The following CARD8 variants were observed in gnomAD, a reference collection of about 807,000 sequenced individuals.
The protein encoded by CARD8 is caspase recruitment domain-containing protein 8.
A neutral mutation model predicts 53.2 loss-of-function variants in CARD8; 38 were observed. The ratio of observed to expected loss-of-function variants is 0.71; its 90% CI spans 0.55 to 0.94. CARD8 has a LOEUF of 0.94. Among genes scored for constraint, CARD8 ranks in the 40% least tolerant of loss-of-function variants. The probability of loss-of-function intolerance (pLI) is 0.00; values close to 1 mark genes in which losing one functional copy is unlikely to be tolerated. For synonymous variants in CARD8, 245 were observed against 244.9 expected (o/e 1.00, Z 0.00); for missense variants, 561 against 655.5 (o/e 0.86, Z 1.57).
chr19:48,240,947 C>G lies in CARD8; in HGVS notation c.59+15G>C, dbSNP rs778491592. 1 of 1,531,932 alleles carries G rather than the reference C, an allele frequency of 6.5e-7. No homozygotes were observed. The highest frequency in any genetic ancestry group is 1.2e-5 in the South Asian group (1 of 83,958). 94.9% of individuals were successfully genotyped at this position (1,531,932 alleles called of 1,614,324 possible). A position where few individuals can be genotyped will look rare whatever the true frequency, so the allele number is the denominator to read the frequency against. On this transcript the variant is annotated intron_variant, in intron 4 of 13. Transcript: ENST00000651546. The stretch of plus-strand genomic sequence containing the variant: ...TCAGCCATCAGGAGCCCTCACAGAG[C>G]GCAAAGTCACTCACCGTCTCGGCAG...
intron 10 of CARD8, among the ~76,000 whole-genome samples, chr19:48,229,807 T>G (rs938777756): frequency 6.6e-6 from 1 of 152,120 alleles, no homozygotes; most frequent in Non-Finnish European, 1.5e-5. Context: ...AATTCACATA[T>G]TATCCATTTA....
intron 5 of CARD8, 92 bp downstream of exon 5, chr19:48,238,291 C>A: frequency 6.9e-7 from 1 of 1,448,974 alleles, no homozygotes; most frequent in South Asian, 1.4e-5. Flanking sequence ...ATGCAAATAA[C>A]CTGCATGTCT....
Position 48,211,828 on chromosome 19 carries a change from T to C in CARD8, c.1496A>G (p.Asn499Ser), listed in dbSNP as rs2038026621. 1.2e-6 allele frequency: 2 copies of C among 1,614,064 alleles called. No individual in the cohort carries two copies. Among genetic ancestry groups the C allele is most frequent in the Admixed American group, 1.7e-5 (1 of 59,996 alleles). ...CTCCACCATGCTCAGCAAGGCCTCA[T>C]TCTTGCTCTGCCGTGTCTTTTCCTG... ...VEQEKTRQSKNEALLSMVEKK... is the reference protein window; with the variant it reads ...VEQEKTRQSKSEALLSMVEKK... The change falls in exon 14 of 14, where the codon AAT becomes AGT. Residue 499 changes from asparagine (N) to serine (S), a missense_variant. By Grantham distance (46) the Asn-to-Ser change is conservative. Coordinates refer to ENST00000651546, the MANE Select transcript of CARD8 (RefSeq NM_001184900.3).
chr19:48,215,309 C>A lies in CARD8; in HGVS notation c.1348+31G>T, dbSNP rs763543086. ...AAGACCCCTTGATGTCTCATACATA[C>A]CCTTGGCTTTAATGTAAACATTTCA... is the stretch of plus-strand genomic sequence containing the variant. On this transcript the variant is annotated intron_variant, in intron 13 of 13. Transcript: ENST00000651546. The A allele has an allele frequency of 8.4e-6, 13 of 1,549,890 alleles. No homozygotes were observed. In the South Asian group the frequency reaches 1.3e-4, roughly 16 times the overall value.
rs1420790776 is a variant in CARD8, at chr19:48,209,721, A to G, written c.*1989T>C. On this transcript the variant is annotated 3_prime_UTR_variant, in exon 14 of 14. Coordinates refer to ENST00000651546, the MANE Select transcript of CARD8 (RefSeq NM_001184900.3). ...ATCACATGTAAGAGGTTTCCATTTA[A>G]AAGAATTCCACTATTCATCAAAATT... 1 of 152,336 alleles carries G rather than the reference A, an allele frequency of 6.6e-6. No homozygotes were observed. The highest frequency in any genetic ancestry group is 1.9e-4 in the East Asian group (1 of 5,330). The allele number at this position is 152,336 out of a possible 1,614,324, so 9.4% of individuals were successfully genotyped here. A position where few individuals can be genotyped will look rare whatever the true frequency, so the allele number is the denominator to read the frequency against.
At chr19:48,255,307 A>G (rs961237453) in intron 1 of CARD8, among the ~76,000 whole-genome samples, 2 of 152,178 alleles carry the variant, frequency 1.3e-5, no homozygotes. Context: ...CAGAGGTTGC[A>G]GTGAGCCAAG....
At chr19:48,222,675 C>A (rs2040905415) in intron 10 of CARD8, among the ~76,000 whole-genome samples, 1 of 149,620 alleles carries the variant, frequency 6.7e-6, no homozygotes, top group African/African-American at 2.5e-5. Flanking sequence ...GGCGACAGAG[C>A]GAGACTCTGT....
chr19:48,235,685 G>C (rs1346942553), intron 5 of CARD8, among the ~76,000 whole-genome samples: 1 of 152,064 alleles, frequency 6.6e-6, no homozygotes, highest in Non-Finnish European at 1.5e-5. Context: ...CACCCAGCCT[G>C]AGCATTACTG....
chr19:48,232,335 G>T, intron 7 of CARD8, 118 bp downstream of exon 7: 1 of 925,126 alleles, frequency 1.1e-6, no homozygotes, highest in East Asian at 2.6e-5. Flanking sequence ...TGTGGCAAAG[G>T]TAAGGGAAAG....
chr19:48,212,327 A>G (rs192552997), intron 13 of CARD8, among the ~76,000 whole-genome samples: 11 of 152,348 alleles, frequency 7.2e-5, no homozygotes, highest in African/African-American at 2.4e-4. Flanking sequence ...CAAATCTTCT[A>G]GTTCATACAT....
At chr19:48,218,773 G>T in intron 12 of CARD8, 98 bp downstream of exon 12, 1 of 1,310,180 alleles carries the variant, frequency 7.6e-7, no homozygotes, top group Non-Finnish European at 1.1e-6. Context: ...TTTCTTCTCT[G>T]GGAAAGAACC....
intron 10 of CARD8, 97 bp downstream of exon 10, chr19:48,230,341 C>G: frequency 7.3e-7 from 1 of 1,361,486 alleles, no homozygotes; most frequent in Middle Eastern, 2.4e-4. Context: ...AAAACCATGC[C>G]TTGCCCTTTC....
intron 3 of CARD8, among the ~76,000 whole-genome samples, chr19:48,242,163 T>C (rs1280514450): frequency 6.6e-6 from 1 of 152,156 alleles, no homozygotes; most frequent in Non-Finnish European, 1.5e-5. Context: ...TAGGAGGAGA[T>C]GGGGCCTTCG....
Position 48,211,830 on chromosome 19 carries a change from C to T in CARD8, c.1494G>A (p.Lys498=), listed in dbSNP as rs1288572685. 1.2e-6 allele frequency: 2 copies of T among 1,614,180 alleles called. No individual in the cohort carries two copies. The highest frequency in any genetic ancestry group is 1.7e-6 in the Non-Finnish European group (2 of 1,180,042). Residue 498 remains lysine, a synonymous_variant, in exon 14 of 14, where the codon AAG becomes AAA. Transcript: ENST00000651546. ...LVEQEKTRQS[K]NEALLSMVEK... Reference sequence around the variant, plus strand: ...CCACCATGCTCAGCAAGGCCTCATTCTTGCTCTGCCGTGTCTTTTCCTGCT... The same window carrying T: ...CCACCATGCTCAGCAAGGCCTCATTTTTGCTCTGCCGTGTCTTTTCCTGCT...
rs2038886531 is a variant in CARD8 at position 48,214,772 on chromosome 19, T to C, written c.1348+568A>G. On this transcript the variant is annotated intron_variant, in intron 13 of 13. Transcript: ENST00000651546. ...TCCTTTCATTCCTGCTATAAAGCTT[T>C]TTTTTTTTTTTTTTTTTTTTTTTTT... Among the ~76,000 whole-genome samples, 10 of 3,796 alleles carry C rather than the reference T, an allele frequency of 2.6e-3. 1 individual carries two copies. Among genetic ancestry groups the C allele is most frequent in the African/African-American group, 5.1e-3 (10 of 1,962 alleles). 2.5% of individuals were successfully genotyped at this position (3,796 alleles called of 152,430 possible).
intron 1 of CARD8, among the ~76,000 whole-genome samples, chr19:48,254,055 G>T (rs1399816437): frequency 1.3e-5 from 2 of 152,160 alleles, no homozygotes; most frequent in Non-Finnish European, 2.9e-5. Flanking sequence ...CAACAAAGTG[G>T]AAGAGTTTAA....
chr19:48,251,487 C>T (rs1201180695), intron 1 of CARD8, among the ~76,000 whole-genome samples: 2 of 152,142 alleles, frequency 1.3e-5, no homozygotes, highest in Non-Finnish European at 2.9e-5. Context: ...TGCTAATCTA[C>T]GTTCACATCA....
At chr19:48,205,663 G>A (rs1012594903), downstream of CARD8, among the ~76,000 whole-genome samples, 1 of 152,122 alleles carries the variant, frequency 6.6e-6, no homozygotes, top group African/African-American at 2.4e-5. Flanking sequence ...TACAGATGAG[G>A]AAACTGCACC....
In CARD8 at chr19:48,241,017, C is replaced by G; in HGVS notation, c.4G>C (p.Glu2Gln). 6.5e-7 allele frequency: 1 copy of G among 1,535,554 alleles called. No homozygotes were observed. The highest frequency in any genetic ancestry group is 8.7e-7 in the Non-Finnish European group (1 of 1,146,386). ...CTCTTTTCTGGACACTCCTTTTTTT[C>G]CATTTGTCAAATGTGGTATTTATGT... M[E>Q]KKECPEKSSS... The change falls in exon 4 of 14, where the codon GAA (glutamate) becomes CAA (glutamine). Residue 2 changes from glutamate to glutamine, a missense_variant. Physicochemically the swap from Glu to Gln is conservative, Grantham distance 29. Transcript: ENST00000651546.
Sources: gnomAD v4.1 joint callset for allele counts (sites outside exome capture counted in the v4.1 genomes callset) on GRCh38, gnomAD v4.1.1 for gene constraint, MANE v1.5 for transcripts, NCBI Gene and HGNC (gene_info 2026-07-23, HGNC 2026-07-21) for gene names.